The following ZBBX variants were observed in gnomAD, a reference collection of about 807,000 sequenced individuals.
ZBBX encodes zinc finger B-box domain-containing protein 1.
In ZBBX, 101 loss-of-function variants were observed where a neutral mutation model predicts 108.5. The ratio of observed to expected loss-of-function variants is 0.93; its 90% confidence interval spans 0.79 to 1.10. The LOEUF (loss-of-function observed/expected upper bound fraction) is 1.10, where lower values mean the gene tolerates loss of function less well. Among genes scored for constraint, ZBBX ranks in the 50% least tolerant of loss-of-function variants. The pLI is 0.00. For synonymous variants in ZBBX, 356 were observed against 323.4 expected (o/e 1.10, Z -1.08); for missense variants, 1,009 against 941.4 (o/e 1.07, Z -0.94).
At chr3:167,380,757 A>G (rs1747650759), upstream of ZBBX, among the ~76,000 whole-genome samples, 1 of 152,144 alleles carries the variant, frequency 6.6e-6, no homozygotes, top group South Asian at 2.1e-4. Flanking sequence ...AGGCAAAGTC[A>G]ATAGAGATTC....
intron 20 of ZBBX, among the ~76,000 whole-genome samples, chr3:167,247,202 C>T (rs1721721224): frequency 6.6e-6 from 1 of 152,130 alleles, no homozygotes; most frequent in African/African-American, 2.4e-5. Context: ...ATGTTGAGAG[C>T]AGCACATCAG....
At chr3:167,330,244 A>C (rs937995021) in intron 10 of ZBBX, among the ~76,000 whole-genome samples, 7 of 152,234 alleles carry the variant, frequency 4.6e-5, no homozygotes, top group African/African-American at 1.7e-4. Flanking sequence ...TAGAGAAAAC[A>C]TATTAACGTT....
At chr3:167,246,384 T>G (rs944561900) in intron 20 of ZBBX, among the ~76,000 whole-genome samples, 2 of 152,252 alleles carry the variant, frequency 1.3e-5, no homozygotes, top group African/African-American at 2.4e-5. Flanking sequence ...TACAGTTTAA[T>G]ACATTACTTA....
intron 16 of ZBBX, among the ~76,000 whole-genome samples, chr3:167,310,528 A>G (rs1242580515): frequency 2.0e-5 from 3 of 152,190 alleles, no homozygotes; most frequent in African/African-American, 4.8e-5. Flanking sequence ...GGGAGGTCTC[A>G]GGAGTCTTAT....
At chr3:167,332,270 A>AACACAC (rs66694681) in intron 10 of ZBBX, among the ~76,000 whole-genome samples, 12 of 135,338 alleles carry the variant, frequency 8.9e-5, no homozygotes, top group Non-Finnish European at 1.4e-4. Flanking sequence ...TGAGGAGTTA[A>AACACAC]ACACACACAC....
intron 20 of ZBBX, among the ~76,000 whole-genome samples, chr3:167,268,361 A>G (rs1055656779): frequency 3.3e-5 from 5 of 151,850 alleles, no homozygotes; most frequent in Non-Finnish European, 7.4e-5. Context: ...TAGGGCTGCT[A>G]TGGTAATTTG....
the ZBBX span, among the ~76,000 whole-genome samples, chr3:167,183,507 G>C: frequency 6.6e-6 from 1 of 152,262 alleles, no homozygotes; most frequent in Admixed American, 6.5e-5. Flanking sequence ...AGAGTGCGGA[G>C]TGGGAATCAG....
Position 167,282,316 on chromosome 3 carries a change from G to T in ZBBX, c.2176C>A (p.Leu726Ile), listed in dbSNP as rs1158670834. Reference sequence around the variant, plus strand: ...TGATCAGTAGTGTCATCTAAGGAAAGCTCATTCTGGTCAGTAATATCAATA... The same window carrying T: ...TGATCAGTAGTGTCATCTAAGGAAATCTCATTCTGGTCAGTAATATCAATA... ...EYIDITDQNELSLDDTTDQHT... is the reference protein window; with the variant it reads ...EYIDITDQNEISLDDTTDQHT... The change falls in exon 20 of 22, where the codon CTT (leucine) becomes ATT (isoleucine). Residue 726 changes from leucine (L) to isoleucine (I), a missense_variant. Physicochemically the swap from Leu to Ile is conservative, Grantham distance 5. Coordinates refer to ENST00000675490, the MANE Select transcript of ZBBX (RefSeq NM_001199201.2). The T allele has an allele frequency of 2.5e-6, 4 of 1,613,948 alleles. No homozygotes were observed. The South Asian group carries it at 3.3e-5, about 13-fold the overall frequency.
Position 167,407,723 on chromosome 3 carries a change from TACCTTGAGTAGGCTGAGGAGGAA to T in ZBBX, c.-466_-446+2del. 6.6e-6 allele frequency among the ~76,000 whole-genome samples: 1 copy of T among 152,110 alleles called. No homozygotes were observed. Among genetic ancestry groups the T allele is most frequent in the South Asian group, 2.1e-4 (1 of 4,818 alleles). On this transcript the variant is annotated splice_donor_variant and 5_prime_UTR_variant, in exon 1 of 22. Transcript: ENST00000455345. LOFTEE classifies it low-confidence loss of function (5UTR_SPLICE). Reference sequence around the variant, plus strand: ...TTATAAGGGTCTTCATTTTTGTCTTTACCTTGAGTAGGCTGAGGAGGAAGAGGAAGAGGAGGGGTTGGTCTTGC... The same window carrying T: ...TTATAAGGGTCTTCATTTTTGTCTTTGAGGAAGAGGAGGGGTTGGTCTTGC...
chr3:167,193,773 T>G, the ZBBX span, among the ~76,000 whole-genome samples: 2 of 152,132 alleles, frequency 1.3e-5, no homozygotes, highest in Non-Finnish European at 2.9e-5. Flanking sequence ...ACCTATATAA[T>G]CAGTGGAAAA....
At chr3:167,379,317 AG>A (rs1440065325) in intron 2 of ZBBX, among the ~76,000 whole-genome samples, 1 of 152,220 alleles carries the variant, frequency 6.6e-6, no homozygotes, top group African/African-American at 2.4e-5. Flanking sequence ...ACTCTGGTGA[AG>A]GAAGTAGGTA....
At chr3:167,209,531 A>G in the ZBBX span, among the ~76,000 whole-genome samples, 1 of 152,218 alleles carries the variant, frequency 6.6e-6, no homozygotes. Flanking sequence ...TTACTAATGC[A>G]GATATAGTTG....
At chr3:167,203,109 A>C in the ZBBX span, among the ~76,000 whole-genome samples, 2 of 152,048 alleles carry the variant, frequency 1.3e-5, no homozygotes, top group African/African-American at 4.8e-5. Flanking sequence ...TAGCTGACCT[A>C]AAAAAAATTT....
At chr3:167,200,610 A>T in the ZBBX span, among the ~76,000 whole-genome samples, 2 of 152,136 alleles carry the variant, frequency 1.3e-5, no homozygotes, top group African/African-American at 4.8e-5. Flanking sequence ...GTCTGAAGTC[A>T]TTATTTGAAT....
chr3:167,217,972 T>C, the ZBBX span, among the ~76,000 whole-genome samples: 3 of 151,736 alleles, frequency 2.0e-5, no homozygotes, highest in Admixed American at 2.0e-4. Context: ...CTCAATCTCT[T>C]GACCTTGTGA....
At chr3:167,348,297 A>AGGAAG (rs1560162764) in intron 9 of ZBBX, among the ~76,000 whole-genome samples, 52 of 127,434 alleles carry the variant, frequency 4.1e-4, no homozygotes, top group East Asian at 1.2e-3. Context: ...GAAGGAAAGA[A>AGGAAG]GAAAGAGAGA....
At chr3:167,250,647 G>T (rs991083382) in intron 20 of ZBBX, among the ~76,000 whole-genome samples, 2 of 151,870 alleles carry the variant, frequency 1.3e-5, no homozygotes, top group African/African-American at 4.8e-5. Context: ...GAGTCTGACT[G>T]CCATTTACCC....
chr3:167,195,355 G>C, the ZBBX span, among the ~76,000 whole-genome samples: 1 of 152,078 alleles, frequency 6.6e-6, no homozygotes, highest in Non-Finnish European at 1.5e-5. Context: ...TGTAACTTTT[G>C]AGTAATTATA....
intron 20 of ZBBX, among the ~76,000 whole-genome samples, chr3:167,259,191 T>C (rs570142386): frequency 1.3e-5 from 2 of 152,216 alleles, no homozygotes; most frequent in African/African-American, 2.4e-5. Context: ...CTTCCTGATT[T>C]AAGCTAAGAG....
Sources: allele counts gnomAD v4.1 joint callset (sites outside exome capture counted in the v4.1 genomes callset), GRCh38; gene constraint gnomAD v4.1.1; transcripts MANE v1.5; gene names NCBI Gene and HGNC (gene_info 2026-07-23, HGNC 2026-07-21).